The following XYLT1 variants were observed in gnomAD, a reference collection of about 807,000 sequenced individuals.
XYLT1 encodes beta-D-xylosyltransferase 1.
XYLT1 carries 36 observed loss-of-function variants against 91.3 expected under a neutral mutation model. The observed-to-expected ratio is 0.39, with a 90% confidence interval of 0.30 to 0.52. XYLT1 has a LOEUF of 0.52. XYLT1 is among the 20% of genes least tolerant of loss of function. The probability of loss-of-function intolerance (pLI) is 0.68; values close to 1 mark genes in which losing one functional copy is unlikely to be tolerated. For missense variants in XYLT1, 1,242 were observed against 1,284.5 expected, an observed-to-expected ratio of 0.97 and a Z score of 0.51; for synonymous variants, 588 against 532.0, an observed-to-expected ratio of 1.11 and a Z score of -1.45.
intron 1 of XYLT1, among the ~76,000 whole-genome samples, chr16:17,419,228 G>C (rs1366816889): frequency 6.6e-6 from 1 of 151,890 alleles, no homozygotes; most frequent in Non-Finnish European, 1.5e-5. Context: ...TGTAGTCCCA[G>C]CTAGTCGGGA....
At chr16:17,127,449 C>T (rs940697346) in intron 10 of XYLT1, among the ~76,000 whole-genome samples, 2 of 152,174 alleles carry the variant, frequency 1.3e-5, no homozygotes, top group African/African-American at 4.8e-5. Flanking sequence ...CTAAAAAATA[C>T]AACTGTGTTC....
chr16:17,342,204 A>G (rs1382093531), intron 2 of XYLT1, among the ~76,000 whole-genome samples: 2 of 152,058 alleles, frequency 1.3e-5, no homozygotes, highest in Non-Finnish European at 1.5e-5. Flanking sequence ...CAACACACCA[A>G]CCACATTCTA....
At chr16:17,232,403 GTC>G (rs1303729366) in intron 3 of XYLT1, among the ~76,000 whole-genome samples, 3 of 115,094 alleles carry the variant, frequency 2.6e-5, no homozygotes, top group South Asian at 2.7e-4. Context: ...GTGTGTCTGT[GTC>G]TGTGTGTGTG....
chr16:17,336,581 CATGT>C (rs1006653262), intron 2 of XYLT1, among the ~76,000 whole-genome samples: 17 of 152,156 alleles, frequency 1.1e-4, no homozygotes, highest in Non-Finnish European at 2.4e-4. Context: ...GGTGTGCATG[CATGT>C]GTGTGAGAGA....
chr16:17,283,641 A>C (rs752350509), intron 2 of XYLT1, among the ~76,000 whole-genome samples: 23 of 152,210 alleles, frequency 1.5e-4, no homozygotes, highest in Non-Finnish European at 2.6e-4. Context: ...ACCCAATTTG[A>C]AATGTATAAA....
At chr16:17,154,684 A>G (rs1415167843) in intron 6 of XYLT1, among the ~76,000 whole-genome samples, 1 of 152,224 alleles carries the variant, frequency 6.6e-6, no homozygotes, top group Non-Finnish European at 1.5e-5. Context: ...GAAACAGTGA[A>G]CACAACCCTC....
At chr16:17,214,233 T>C (rs577986611) in intron 3 of XYLT1, among the ~76,000 whole-genome samples, 14 of 152,212 alleles carry the variant, frequency 9.2e-5, no homozygotes, top group Non-Finnish European at 1.6e-4. Context: ...AAAGGCTACA[T>C]AGCAGAGTGG....
At chr16:17,219,847 G>T (rs971169680) in intron 3 of XYLT1, among the ~76,000 whole-genome samples, 1 of 152,086 alleles carries the variant, frequency 6.6e-6, no homozygotes, top group African/African-American at 2.4e-5. Context: ...TGATCAACAT[G>T]GTGAAACTCC....
At chr16:17,149,939 GT>G (rs999975010) in intron 6 of XYLT1, among the ~76,000 whole-genome samples, 1 of 152,146 alleles carries the variant, frequency 6.6e-6, no homozygotes, top group Non-Finnish European at 1.5e-5. Flanking sequence ...GATGCTTTAT[GT>G]TTTTTTCCTT....
chr16:17,387,102 C>T (rs2035756918), intron 1 of XYLT1, among the ~76,000 whole-genome samples: 2 of 152,128 alleles, frequency 1.3e-5, no homozygotes, highest in South Asian at 4.1e-4. Flanking sequence ...GTGCCCAAAG[C>T]CAGGAGTGAC....
At chr16:17,295,425 G>A (rs1167175508) in intron 2 of XYLT1, among the ~76,000 whole-genome samples, 4 of 151,360 alleles carry the variant, frequency 2.6e-5, no homozygotes, top group Non-Finnish European at 5.9e-5. Context: ...GTACGATCTC[G>A]GCTCACTGCA....
In XYLT1 at chr16:17,300,632, T is replaced by A. The variant is rs557692953; in HGVS notation, c.403-41134A>T. 2.0e-5 allele frequency among the ~76,000 whole-genome samples: 3 copies of A among 151,612 alleles called. No homozygotes were observed. The East Asian group carries it at 5.8e-4, about 30-fold the overall frequency. On this transcript the variant is annotated intron_variant, in intron 2 of 11. Transcript: ENST00000261381. ...CCACCATACCTGGCTAATTTTCATG[T>A]TTTTAGTAGTGACGGGGTTTCATCA...
At chr16:17,229,086 C>T (rs1455066776) in intron 3 of XYLT1, among the ~76,000 whole-genome samples, 3 of 152,230 alleles carry the variant, frequency 2.0e-5, no homozygotes, top group African/African-American at 4.8e-5. Flanking sequence ...TCTCCTGCCT[C>T]AGCCTCCCAA....
At chr16:17,365,149 C>T (rs1195368469) in intron 1 of XYLT1, among the ~76,000 whole-genome samples, 2 of 152,198 alleles carry the variant, frequency 1.3e-5, no homozygotes, top group Non-Finnish European at 2.9e-5. Context: ...GTTCCCTTCT[C>T]CCCACTTTGG....
At chr16:17,252,591 C>T (rs1218875617) in intron 3 of XYLT1, among the ~76,000 whole-genome samples, 2 of 152,200 alleles carry the variant, frequency 1.3e-5, no homozygotes, top group Non-Finnish European at 2.9e-5. Flanking sequence ...AGGGATGGAG[C>T]TGGGGCTTCC....
At chr16:17,136,360 C>G (rs1287179289) in intron 8 of XYLT1, among the ~76,000 whole-genome samples, 1 of 152,136 alleles carries the variant, frequency 6.6e-6, no homozygotes, top group African/African-American at 2.4e-5. Context: ...CGTAAGTACC[C>G]TTGGTGTTAT....
At chr16:17,448,892 C>G (rs1241624857) in intron 1 of XYLT1, among the ~76,000 whole-genome samples, 3 of 152,154 alleles carry the variant, frequency 2.0e-5, no homozygotes, top group African/African-American at 7.2e-5. Flanking sequence ...GTGGGTTCAT[C>G]ATCATCCCCA....
At chr16:17,136,030 G>A (rs554077566) in intron 8 of XYLT1, among the ~76,000 whole-genome samples, 3 of 152,214 alleles carry the variant, frequency 2.0e-5, no homozygotes, top group Admixed American at 2.0e-4. Context: ...TTATTGTCTA[G>A]TGTTATTATT....
intron 2 of XYLT1, among the ~76,000 whole-genome samples, chr16:17,320,970 T>G (rs986277139): frequency 1.3e-5 from 2 of 152,118 alleles, no homozygotes; most frequent in African/African-American, 4.8e-5. Flanking sequence ...AAATGTCATC[T>G]AGGGTAGGTG....
Sources: gnomAD v4.1 joint callset for allele counts (sites outside exome capture counted in the v4.1 genomes callset) on GRCh38, gnomAD v4.1.1 for gene constraint, MANE v1.5 for transcripts, NCBI Gene and HGNC (gene_info 2026-07-23, HGNC 2026-07-21) for gene names.